Variants in THSD4 observed in about 807,000 individuals in gnomAD.
THSD4 encodes the protein thrombospondin type 1 domain containing 4.
Under a neutral mutation model 119.0 loss-of-function variants are expected in THSD4, and 69 were observed. The ratio of observed to expected loss-of-function variants is 0.58; its 90% CI spans 0.48 to 0.71. The LOEUF (loss-of-function observed/expected upper bound fraction) is 0.71, where lower values mean the gene tolerates loss of function less well. Ranked by LOEUF, THSD4 falls within the 30% of genes least tolerant of loss-of-function variation. The pLI is 0.00. For missense variants in THSD4, 1,393 were observed against 1,391.1 expected (o/e 1.00, Z -0.02); for synonymous variants, 524 against 540.4 (o/e 0.97, Z 0.42).
At chr15:71,370,656 A>G (rs1255745766) in intron 6 of THSD4, among the ~76,000 whole-genome samples, 1 of 152,108 alleles carries the variant, frequency 6.6e-6, no homozygotes, top group East Asian at 1.9e-4. Flanking sequence ...ACAGTTTGTT[A>G]TAATTTCTGT....
intron 3 of THSD4, among the ~76,000 whole-genome samples, chr15:71,172,365 A>G (rs1193811925): frequency 6.6e-6 from 1 of 151,960 alleles, no homozygotes; most frequent in Non-Finnish European, 1.5e-5. Flanking sequence ...GGATAAATGT[A>G]TGATGTTTAT....
At chr15:71,694,012 C>T (rs892175260) in intron 8 of THSD4, among the ~76,000 whole-genome samples, 1 of 140,870 alleles carries the variant, frequency 7.1e-6, no homozygotes, top group Admixed American at 7.0e-5. Flanking sequence ...GAGACCCTGT[C>T]TCAAAAAAAA....
chr15:71,621,803 G>C (rs895383260), intron 7 of THSD4, among the ~76,000 whole-genome samples: 2 of 152,184 alleles, frequency 1.3e-5, no homozygotes, highest in African/African-American at 4.8e-5. Context: ...GAACTTCCAT[G>C]TTAAGTCTCA....
intron 7 of THSD4, among the ~76,000 whole-genome samples, chr15:71,655,828 T>A (rs988011801): frequency 2.6e-5 from 4 of 152,198 alleles, no homozygotes; most frequent in African/African-American, 9.7e-5. Flanking sequence ...TTGATCAGCC[T>A]CCTGATACAC....
chr15:71,761,466 A>T (rs58620959), intron 15 of THSD4, among the ~76,000 whole-genome samples: 23,538 of 152,110 alleles, frequency 0.15, 3,899 homozygotes, highest in African/African-American at 0.41. Context: ...TTTAAATTTT[A>T]AAATAGTTTT....
intron 6 of THSD4, among the ~76,000 whole-genome samples, chr15:71,374,207 G>A (rs1248202140): frequency 6.6e-6 from 1 of 152,196 alleles, no homozygotes; most frequent in African/African-American, 2.4e-5. Context: ...ACTCTCAAAT[G>A]GGGGATGCAG....
At chr15:71,774,071 G>A (rs61302554) in intron 17 of THSD4, among the ~76,000 whole-genome samples, 5 of 152,230 alleles carry the variant, frequency 3.3e-5, no homozygotes, top group African/African-American at 9.6e-5. Context: ...CCAGCACTTC[G>A]GGAGGCTGAA....
In THSD4 at chr15:71,199,458, G is replaced by T. The variant is rs867557766; in HGVS notation, c.100-15577G>T. Among the ~76,000 whole-genome samples, 185 of 143,134 alleles carry T rather than the reference G, an allele frequency of 1.3e-3. 1 individual carries two copies. Among genetic ancestry groups the T allele is most frequent in the South Asian group, 3.7e-3 (16 of 4,382 alleles). The allele number at this position is 143,134 out of a possible 152,430, so 93.9% of individuals were successfully genotyped here. Reference sequence around the variant, plus strand: ...AGATAACTGTGTGTGTGTGTGGGGGGGGGTGTGTGTGTGTGGTGTGTGTGT... The same window carrying T: ...AGATAACTGTGTGTGTGTGTGGGGGTGGGTGTGTGTGTGTGGTGTGTGTGT... On this transcript the variant is annotated intron_variant, in intron 3 of 17. Transcript: ENST00000261862.
intron 7 of THSD4, among the ~76,000 whole-genome samples, chr15:71,425,192 C>T (rs557999012): frequency 2.0e-5 from 3 of 152,262 alleles, no homozygotes; most frequent in Non-Finnish European, 4.4e-5. Flanking sequence ...TGATTTTGTT[C>T]ATTTATCTTT....
At chr15:71,415,151 A>G (rs142799672) in intron 7 of THSD4, among the ~76,000 whole-genome samples, 2 of 152,252 alleles carry the variant, frequency 1.3e-5, no homozygotes, top group Non-Finnish European at 2.9e-5. Flanking sequence ...TCCTGGCCAC[A>G]TAGAGTTGAA....
At chr15:71,433,783 T>C (rs776034463) in intron 7 of THSD4, among the ~76,000 whole-genome samples, 1 of 152,146 alleles carries the variant, frequency 6.6e-6, no homozygotes, top group Admixed American at 6.5e-5. Flanking sequence ...CATGTTAGGC[T>C]GGGCCCTGCC....
intron 5 of THSD4, among the ~76,000 whole-genome samples, chr15:71,253,643 A>G (rs1366156793): frequency 6.6e-6 from 1 of 152,152 alleles, no homozygotes; most frequent in Non-Finnish European, 1.5e-5. Context: ...CCAGACCTCA[A>G]GTGATCCGTC....
chr15:71,268,673 GTT>G (rs34513059), intron 6 of THSD4, among the ~76,000 whole-genome samples: 1 of 138,830 alleles, frequency 7.2e-6, no homozygotes, highest in Admixed American at 7.3e-5. Context: ...TCCAGGAACT[GTT>G]TTTTTTTTTT....
intron 6 of THSD4, among the ~76,000 whole-genome samples, chr15:71,399,905 A>C (rs1397052291): frequency 1.3e-5 from 2 of 152,248 alleles, no homozygotes; most frequent in Non-Finnish European, 2.9e-5. Context: ...ACTGTGTTTA[A>C]GTATGAGCAG....
At chr15:71,668,296 A>C (rs2051455529) in intron 8 of THSD4, among the ~76,000 whole-genome samples, 1 of 152,202 alleles carries the variant, frequency 6.6e-6, no homozygotes, top group Non-Finnish European at 1.5e-5. Context: ...GGCATCAGTG[A>C]GCAAATATCT....
upstream of THSD4, chr15:71,111,260 A>C (rs777639930): frequency 5.6e-6 from 9 of 1,613,976 alleles, no homozygotes; most frequent in Non-Finnish European, 7.6e-6. Context: ...ACTCCCTGAC[A>C]CTTCATGGGA....
intron 6 of THSD4, among the ~76,000 whole-genome samples, chr15:71,278,664 T>A: frequency 6.6e-6 from 1 of 152,314 alleles, no homozygotes; most frequent in African/African-American, 2.4e-5. Flanking sequence ...TAGTCTCTGA[T>A]GGGGCAAGGA....
At chr15:71,126,380 G>A (rs599534) in intron 1 of THSD4, among the ~76,000 whole-genome samples, 11,477 of 152,200 alleles carry the variant, frequency 0.075, 1,354 homozygotes, top group African/African-American at 0.25. Flanking sequence ...TTTCCCCCTC[G>A]GGTGTTACTA....
rs558029480 is a variant in THSD4 at position 71,414,833 on chromosome 15, G to A, written c.1152+3010G>A. On this transcript the variant is annotated intron_variant, in intron 7 of 17. Coordinates refer to ENST00000261862, the MANE Select transcript of THSD4 (RefSeq NM_024817.3). The stretch of plus-strand genomic sequence containing the variant: ...GTGAGTATATTAATAGGGTTCTGAT[G>A]TTACTAGGACTACTGGATACTACTT... Among the ~76,000 whole-genome samples, 5 of 152,298 alleles carry A rather than the reference G, an allele frequency of 3.3e-5. No homozygotes were observed. In the South Asian group the frequency reaches 1.0e-3, roughly 32 times the overall value.
Sources: gnomAD v4.1 joint callset for allele counts (sites outside exome capture counted in the v4.1 genomes callset) on GRCh38, gnomAD v4.1.1 for gene constraint, MANE v1.5 for transcripts, NCBI Gene and HGNC (gene_info 2026-07-23, HGNC 2026-07-21) for gene names.